GSE1: variants seen among roughly 807,000 people sequenced by gnomAD.
GSE1 encodes the protein Gse1 coiled-coil protein, also known as genetic suppressor element 1.
GSE1 carries 32 observed loss-of-function variants against 112.6 expected under a neutral mutation model. The ratio of observed to expected loss-of-function variants is 0.28; its 90% confidence interval spans 0.21 to 0.38. The LOEUF (loss-of-function observed/expected upper bound fraction) is 0.38, where lower values mean the gene tolerates loss of function less well. GSE1 is among the 10% of genes least tolerant of loss of function. The pLI, the probability that GSE1 is intolerant of heterozygous loss-of-function variation, is 1.00. For missense variants in GSE1, 2,348 were observed against 1,699.2 expected (o/e 1.38, Z -6.71); for synonymous variants, 1,115 against 735.6 (o/e 1.52, Z -8.35).
At chr16:85,604,490 C>A (rs2047597621) in intron 1 of GSE1, among the ~76,000 whole-genome samples, 1 of 151,684 alleles carries the variant, frequency 6.6e-6, no homozygotes, top group Admixed American at 6.6e-5. Flanking sequence ...TTTGCGTGGA[C>A]GCGAAGGTAT....
chr16:85,516,814 T>TC (rs1162342443), intron 2 of GSE1, among the ~76,000 whole-genome samples: 2 of 150,862 alleles, frequency 1.3e-5, no homozygotes, highest in Non-Finnish European at 3.0e-5. Context: ...TTTTTTTTTT[T>TC]TGAGACGGAG....
chr16:85,236,013 C>CCTGGGG (rs1904616240), intron 1 of GSE1, among the ~76,000 whole-genome samples: 1 of 150,748 alleles, frequency 6.6e-6, no homozygotes, highest in Non-Finnish European at 1.5e-5. Flanking sequence ...TGAGGCTGGG[C>CCTGGGG]CTGGGGCTGC....
intron 1 of GSE1, among the ~76,000 whole-genome samples, chr16:85,630,513 G>C (rs571970591): frequency 3.3e-5 from 5 of 152,150 alleles, no homozygotes; most frequent in Admixed American, 1.3e-4. Context: ...CAGAGACAGC[G>C]TCTATGCTGC....
intron 1 of GSE1, among the ~76,000 whole-genome samples, chr16:85,260,308 CTTTTTCTTTTCTTTTTT>C (rs1306038472): frequency 7.4e-6 from 1 of 134,252 alleles, no homozygotes; most frequent in Admixed American, 7.3e-5. Flanking sequence ...TTTCCTTTTT[CTTTTTCTTTTCTTTTTT>C]TTTTTTTTTT....
chr16:85,186,507 G>A (rs2074704574), intron 1 of GSE1, among the ~76,000 whole-genome samples: 1 of 151,982 alleles, frequency 6.6e-6, no homozygotes, highest in African/African-American at 2.4e-5. Context: ...AGAGGCTGAG[G>A]CAGGAGAATT....
Position 85,588,990 on chromosome 16 carries a change from T to C in GSE1, c.37+32627T>C, listed in dbSNP as rs1301088678. Among the ~76,000 whole-genome samples, 11 of 152,174 alleles carry C rather than the reference T, an allele frequency of 7.2e-5. 1 individual carries two copies. In the East Asian group the frequency reaches 1.5e-3, roughly 21 times the overall value. ...TCACACTAACACATGTTCACACATA[T>C]ACTCACACATCTGCGGGTGGGGTAC... On this transcript the variant is annotated intron_variant, in intron 1 of 2. Transcript: ENST00000635906.
chr16:85,601,757 G>A (rs901734194), intron 1 of GSE1, among the ~76,000 whole-genome samples: 2 of 152,156 alleles, frequency 1.3e-5, no homozygotes, highest in African/African-American at 4.8e-5. Context: ...TGCAGCCGAC[G>A]TGAGCTAGGG....
chr16:85,194,534 G>C (rs1004015384), intron 1 of GSE1, among the ~76,000 whole-genome samples: 4 of 152,212 alleles, frequency 2.6e-5, no homozygotes, highest in African/African-American at 9.6e-5. Context: ...AGATGACTCT[G>C]GAAGTATGGG....
chr16:85,323,274 GC>G (rs1410074664), intron 1 of GSE1, among the ~76,000 whole-genome samples: 2 of 152,284 alleles, frequency 1.3e-5, no homozygotes, highest in Middle Eastern at 3.4e-3. Flanking sequence ...CAGTGCCAAA[GC>G]CTTGACATTT....
chr16:85,639,860 G>A (rs2050299234), intron 2 of GSE1, among the ~76,000 whole-genome samples: 1 of 152,246 alleles, frequency 6.6e-6, no homozygotes, highest in Non-Finnish European at 1.5e-5. Flanking sequence ...CAGGGACGCA[G>A]CGCCCGTCTG....
chr16:85,434,471 G>C (rs539010284), intron 2 of GSE1, among the ~76,000 whole-genome samples: 62 of 152,290 alleles, frequency 4.1e-4, no homozygotes, highest in African/African-American at 1.4e-3. Flanking sequence ...TTACAGATGA[G>C]GAAATTGAGG....
rs529760115 is a variant in GSE1 at position 85,209,766 on chromosome 16, G to T, written c.2283+37959G>T. Among the ~76,000 whole-genome samples, 76 of 152,342 alleles carry T rather than the reference G, an allele frequency of 5.0e-4. 1 individual carries two copies. The highest frequency in any genetic ancestry group is 1.7e-3 in the African/African-American group (72 of 41,576). ...CCGCCTGACGTTGCCTGCTGGGCCTGCCCTGGTGATCCAGGCAGCTGAGGC... is the reference window on the plus strand; with the variant it reads ...CCGCCTGACGTTGCCTGCTGGGCCTTCCCTGGTGATCCAGGCAGCTGAGGC... On this transcript the variant is annotated intron_variant, in intron 1 of 2. Coordinates refer to the GSE1 transcript ENST00000637419.
Position 85,587,818 on chromosome 16 carries a change from C to A in GSE1, c.37+31455C>A, listed in dbSNP as rs1040114275. The stretch of plus-strand genomic sequence containing the variant: ...AAAGAGGCTGTTCCTCGCCCTACCC[C>A]CAAGCCTTCCCGGACCCTTGGGCCC... On this transcript the variant is annotated intron_variant, in intron 1 of 2. Transcript: ENST00000635906. 4.6e-5 allele frequency among the ~76,000 whole-genome samples: 7 copies of A among 152,270 alleles called. No individual in the cohort carries two copies. The South Asian group carries it at 1.5e-3, about 32-fold the overall frequency.
At chr16:85,531,441 G>GTC in intron 2 of GSE1, among the ~76,000 whole-genome samples, 1 of 152,288 alleles carries the variant, frequency 6.6e-6, no homozygotes, top group East Asian at 1.9e-4. Context: ...CATAGGGCAT[G>GTC]TCTCTGTGGT....
At chr16:85,522,367 A>G (rs1191747633) in intron 2 of GSE1, among the ~76,000 whole-genome samples, 1 of 68,316 alleles carries the variant, frequency 1.5e-5, no homozygotes, top group Non-Finnish European at 3.0e-5. Flanking sequence ...CCCTGCCCCC[A>G]GGATGCAGCT....
At chr16:85,325,053 G>A (rs1436671679) in intron 1 of GSE1, among the ~76,000 whole-genome samples, 2 of 151,900 alleles carry the variant, frequency 1.3e-5, no homozygotes, top group Non-Finnish European at 2.9e-5. Context: ...CTACAACCTC[G>A]ACCTCCTGGA....
intron 1 of GSE1, among the ~76,000 whole-genome samples, chr16:85,258,986 G>C (rs185705481): frequency 6.6e-6 from 1 of 152,182 alleles, no homozygotes; most frequent in East Asian, 1.9e-4. Context: ...CTTCTGGGAG[G>C]CTTCTTCTGG....
exon 1 of GSE1, chr16:85,169,761 G>C: frequency 1.0e-6 from 1 of 983,776 alleles, no homozygotes; most frequent in Non-Finnish European, 1.2e-6. Context: ...AGCTGTCCCC[G>C]GCCGACGGCT....
At chr16:85,613,227 G>A, upstream of GSE1, 1 of 1,500,166 alleles carries the variant, frequency 6.7e-7, no homozygotes, top group Non-Finnish European at 8.9e-7. Context: ...CCTCGGCGGC[G>A]ACAGCAGCAG....
Sources: gnomAD v4.1 joint callset for allele counts (sites outside exome capture counted in the v4.1 genomes callset) on GRCh38, gnomAD v4.1.1 for gene constraint, MANE v1.5 for transcripts, NCBI Gene and HGNC (gene_info 2026-07-23, HGNC 2026-07-21) for gene names.